The following DNER variants were observed in gnomAD, a reference collection of about 807,000 sequenced individuals.
DNER encodes the protein delta/notch like EGF repeat containing.
Under a neutral mutation model 78.2 loss-of-function variants are expected in DNER, and 33 were observed. The ratio of observed to expected loss-of-function variants is 0.42; its 90% CI spans 0.32 to 0.56. The LOEUF (loss-of-function observed/expected upper bound fraction) is 0.56. DNER is among the 20% of genes least tolerant of loss of function. DNER has a pLI of 0.11. For synonymous variants in DNER, 417 were observed against 384.8 expected, an observed-to-expected ratio of 1.08 and a Z score of -0.98; for missense variants, 918 against 975.3, an observed-to-expected ratio of 0.94 and a Z score of 0.78.
chr2:229,593,361 C>T (rs1206841007), intron 1 of DNER, among the ~76,000 whole-genome samples: 2 of 152,140 alleles, frequency 1.3e-5, no homozygotes, highest in East Asian at 3.9e-4. Context: ...GACCCCTGCC[C>T]AGAACACTTT....
chr2:229,620,159 G>A (rs1194499657), intron 1 of DNER, among the ~76,000 whole-genome samples: 2 of 152,134 alleles, frequency 1.3e-5, no homozygotes, highest in African/African-American at 2.4e-5. Flanking sequence ...GCGGAAGAAC[G>A]GGATCACCCT....
At chr2:229,640,842 G>A (rs1315683269) in intron 1 of DNER, among the ~76,000 whole-genome samples, 3 of 152,290 alleles carry the variant, frequency 2.0e-5, no homozygotes, top group Non-Finnish European at 4.4e-5. Context: ...CCAGGGTTTT[G>A]GATAGAAAAG....
intron 1 of DNER, among the ~76,000 whole-genome samples, chr2:229,670,996 AT>A (rs1213145360): frequency 6.6e-6 from 1 of 152,090 alleles, no homozygotes; most frequent in Admixed American, 6.5e-5. Context: ...GGGAGGGGGA[AT>A]TTTTTTCTGC....
chr2:229,393,846 C>CAAAACAAAAACA (rs60036170), intron 10 of DNER, among the ~76,000 whole-genome samples: 15 of 151,520 alleles, frequency 9.9e-5, no homozygotes, highest in African/African-American at 2.9e-4. Context: ...GACTCCGTCT[C>CAAAACAAAAACA]AAAACAAAAA....
intron 8 of DNER, among the ~76,000 whole-genome samples, chr2:229,441,651 C>G (rs73101813): frequency 0.033 from 4,983 of 152,248 alleles, 266 homozygotes; most frequent in African/African-American, 0.11. Context: ...ACACTAAGAA[C>G]TGAGAGAAAG....
intron 11 of DNER, among the ~76,000 whole-genome samples, chr2:229,374,547 C>T (rs887733320): frequency 6.6e-6 from 1 of 152,130 alleles, no homozygotes; most frequent in Admixed American, 6.5e-5. Context: ...AGTGTTAAGG[C>T]GTTAACTCAC....
At chr2:229,563,598 A>G (rs1574904696) in intron 4 of DNER, among the ~76,000 whole-genome samples, 1 of 132,882 alleles carries the variant, frequency 7.5e-6, no homozygotes, top group South Asian at 2.4e-4. Context: ...TAACATCATC[A>G]CCCCATCACC....
chr2:229,591,910 G>A lies in DNER; in HGVS notation c.277-22C>T, dbSNP rs922534079. The A allele has an allele frequency of 3.3e-6, 5 of 1,493,996 alleles. No individual in the cohort carries two copies. The highest frequency in any genetic ancestry group is 1.4e-5 in the African/African-American group (1 of 71,486). 92.5% of individuals were successfully genotyped at this position (1,493,996 alleles called of 1,614,324 possible). A position where few individuals can be genotyped will look rare whatever the true frequency, so the allele number is the denominator to read the frequency against. ...CAAGCTGAAACGAGACCATAAATGGGTCAATTATTCCCTCATAAGAAAAGT... is the reference window on the plus strand; with the variant it reads ...CAAGCTGAAACGAGACCATAAATGGATCAATTATTCCCTCATAAGAAAAGT... On this transcript the variant is annotated intron_variant, in intron 1 of 12. Transcript: ENST00000341772. The surrounding 1 kb of genome is among the most constrained non-coding windows in gnomAD (Gnocchi z 4.6).
At chr2:229,489,728 G>A (rs1574866376) in intron 6 of DNER, among the ~76,000 whole-genome samples, 1 of 151,868 alleles carries the variant, frequency 6.6e-6, no homozygotes, top group Non-Finnish European at 1.5e-5. Flanking sequence ...GGAGGAAGAA[G>A]AGGGTGGGAG....
chr2:229,442,860 C>CA lies in DNER; in HGVS notation c.1486+4455dup, dbSNP rs372328677. Among the ~76,000 whole-genome samples, 258 of 148,102 alleles carry CA rather than the reference C, an allele frequency of 1.7e-3. 3 individuals are homozygous for CA. In the South Asian group the frequency reaches 0.025, roughly 15 times the overall value. ...ACATGTAAGGCATATGTAGAAAATA[C>CA]AAAAAAAAAATTACATCTAAAATCC... On this transcript the variant is annotated intron_variant, in intron 8 of 12. Transcript: ENST00000341772.
chr2:229,425,444 G>A (rs1011210493), intron 8 of DNER, among the ~76,000 whole-genome samples: 1 of 152,140 alleles, frequency 6.6e-6, no homozygotes, highest in Non-Finnish European at 1.5e-5. Context: ...AAGGCACGGT[G>A]GAGCCCAGAT....
chr2:229,679,136 C>A (rs1699347471), intron 1 of DNER, among the ~76,000 whole-genome samples: 1 of 152,166 alleles, frequency 6.6e-6, no homozygotes, highest in African/African-American at 2.4e-5. Context: ...GGACTAGGAC[C>A]AGCACCACAG....
At chr2:229,458,135 C>CAAAAAAAAAAAAAAAAAAAAAAA (rs61340733) in intron 7 of DNER, among the ~76,000 whole-genome samples, 5 of 17,718 alleles carry the variant, frequency 2.8e-4, no homozygotes, top group African/African-American at 4.3e-4. Flanking sequence ...GACTCTATCT[C>CAAAAAAAAAAAAAAAAAAAAAAA]AAAAAAAAAA....
intron 1 of DNER, among the ~76,000 whole-genome samples, chr2:229,713,495 C>G (rs1236454125): frequency 6.6e-6 from 1 of 152,210 alleles, no homozygotes; most frequent in Admixed American, 6.5e-5. Context: ...GCCCTGCCAG[C>G]GCCACGTACA....
At chr2:229,368,755 G>A (rs2106327126) in intron 11 of DNER, among the ~76,000 whole-genome samples, 1 of 152,276 alleles carries the variant, frequency 6.6e-6, no homozygotes, top group South Asian at 2.1e-4. Context: ...TACAAAGGAG[G>A]CCTAGAGAAC....
At chr2:229,535,475 A>C (rs868121537) in intron 5 of DNER, among the ~76,000 whole-genome samples, 1,846 of 151,958 alleles carry the variant, frequency 0.012, 42 homozygotes, top group African/African-American at 0.042. Flanking sequence ...TCCAAATCCA[A>C]CCCTGCCTGC....
chr2:229,391,845 AT>A (rs753106124), intron 10 of DNER, among the ~76,000 whole-genome samples: 1 of 151,958 alleles, frequency 6.6e-6, no homozygotes, highest in African/African-American at 2.4e-5. Flanking sequence ...GCCCAGCCAA[AT>A]TTTTTTTCAA....
In DNER at chr2:229,552,873, C is replaced by A. The variant is rs78005007; in HGVS notation, c.848-5781G>T. Reference sequence around the variant, plus strand: ...GGCCTGGACTATGGGAGGAGAGGAGCCAGACCCCATCTTCTCCTTTGTCTG... The same window carrying A: ...GGCCTGGACTATGGGAGGAGAGGAGACAGACCCCATCTTCTCCTTTGTCTG... On this transcript the variant is annotated intron_variant, in intron 4 of 12. Coordinates refer to ENST00000341772, the MANE Select transcript of DNER (RefSeq NM_139072.4). Among the ~76,000 whole-genome samples the A allele has an allele frequency of 2.2e-3, 332 of 152,234 alleles. 4 individuals carry two copies. Among genetic ancestry groups the A allele is most frequent in the African/African-American group, 7.6e-3 (315 of 41,528 alleles).
At chr2:229,367,338 C>T (rs564947554) in intron 11 of DNER, among the ~76,000 whole-genome samples, 16 of 152,254 alleles carry the variant, frequency 1.1e-4, no homozygotes, top group East Asian at 9.7e-4. Flanking sequence ...CAGTGGCTGA[C>T]GGCTGTAATC....
Sources: allele counts gnomAD v4.1 joint callset (sites outside exome capture counted in the v4.1 genomes callset), GRCh38; gene constraint gnomAD v4.1.1; non-coding constraint Gnocchi (gnomAD v3.1); transcripts MANE v1.5; gene names NCBI Gene and HGNC (gene_info 2026-07-23, HGNC 2026-07-21).